The following ROBO2 variants were observed in gnomAD, a reference collection of about 807,000 sequenced individuals.
ROBO2 encodes the protein roundabout guidance receptor 2.
A neutral mutation model predicts 160.8 loss-of-function variants in ROBO2; 53 were observed. The ratio of observed to expected loss-of-function variants is 0.33; its 90% CI spans 0.26 to 0.41. The LOEUF is 0.41. Among genes scored for constraint, ROBO2 ranks in the 10% least tolerant of loss-of-function variants. ROBO2 has a pLI of 1.00. For synonymous variants in ROBO2, 664 were observed against 611.7 expected, an observed-to-expected ratio of 1.09 and a Z score of -1.26; for missense variants, 1,577 against 1,722.4, an observed-to-expected ratio of 0.92 and a Z score of 1.49.
intron 2 of ROBO2, among the ~76,000 whole-genome samples, chr3:77,106,139 A>T (rs1410488984): frequency 1.3e-5 from 2 of 151,972 alleles, no homozygotes; most frequent in East Asian, 3.9e-4. Flanking sequence ...GCCTCCCAGG[A>T]TCAAGCGATT....
At chr3:76,221,462 A>G (rs551753970) in intron 2 of ROBO2, among the ~76,000 whole-genome samples, 65 of 147,512 alleles carry the variant, frequency 4.4e-4, no homozygotes, top group African/African-American at 1.6e-3. Flanking sequence ...TGCCACTCTC[A>G]TTTTACAAGT....
At chr3:77,270,708 G>A (rs976205188) in intron 2 of ROBO2, among the ~76,000 whole-genome samples, 1 of 152,152 alleles carries the variant, frequency 6.6e-6, no homozygotes, top group Admixed American at 6.5e-5. Flanking sequence ...ACTTTGGGAG[G>A]CCAAGGTGGG....
intron 2 of ROBO2, among the ~76,000 whole-genome samples, chr3:77,290,218 A>T (rs1342066545): frequency 1.3e-5 from 2 of 149,300 alleles, no homozygotes; most frequent in East Asian, 4.0e-4. Flanking sequence ...CTGAGGCTAG[A>T]TCACCCCAGA....
chr3:76,527,447 G>A (rs1488725491), intron 2 of ROBO2, among the ~76,000 whole-genome samples: 1 of 152,018 alleles, frequency 6.6e-6, no homozygotes, highest in Non-Finnish European at 1.5e-5. Context: ...AGTAATATCT[G>A]AGCATATTTA....
chr3:76,343,572 C>T (rs1225951973), intron 2 of ROBO2, among the ~76,000 whole-genome samples: 1 of 151,104 alleles, frequency 6.6e-6, no homozygotes, highest in African/African-American at 2.4e-5. Flanking sequence ...GCCATTGAAA[C>T]TAATGGTAAA....
chr3:76,218,323 C>G (rs956064819), intron 2 of ROBO2, among the ~76,000 whole-genome samples: 2 of 152,084 alleles, frequency 1.3e-5, no homozygotes, highest in African/African-American at 4.8e-5. Context: ...GTCAGTCAGG[C>G]AGGAGAAGGA....
At chr3:76,376,342 T>C (rs2076343857) in intron 2 of ROBO2, among the ~76,000 whole-genome samples, 1 of 152,084 alleles carries the variant, frequency 6.6e-6, no homozygotes, top group South Asian at 2.1e-4. Flanking sequence ...ACAATGTCAT[T>C]TGTACCAGGG....
At chr3:76,314,975 A>G (rs1481374054) in intron 2 of ROBO2, among the ~76,000 whole-genome samples, 1 of 152,168 alleles carries the variant, frequency 6.6e-6, no homozygotes, top group Non-Finnish European at 1.5e-5. Context: ...CTACTATTAA[A>G]GGTACAAATG....
At position 76,202,519 on chromosome 3, in the gene ROBO2, C is replaced by G. The variant is rs563689687; in HGVS notation, c.109+264917C>G. Among the ~76,000 whole-genome samples, 18 of 152,264 alleles carry G rather than the reference C, an allele frequency of 1.2e-4. No individual in the cohort carries two copies. The East Asian group carries it at 3.5e-3, about 29-fold the overall frequency. ...ATGTTGCTTGGCATGAAAAAATAAC[C>G]TGATCAACATTTGTTGAATTTATTA... is the stretch of plus-strand genomic sequence containing the variant. On this transcript the variant is annotated intron_variant, in intron 2 of 26. Coordinates refer to the ROBO2 transcript ENST00000487694.
intron 2 of ROBO2, among the ~76,000 whole-genome samples, chr3:77,257,542 T>C (rs1251842294): frequency 3.3e-5 from 5 of 152,196 alleles, no homozygotes; most frequent in African/African-American, 9.6e-5. Flanking sequence ...GAAATAACTA[T>C]GTATGAACAG....
At chr3:77,292,233 C>A (rs556372684) in intron 2 of ROBO2, among the ~76,000 whole-genome samples, 70 of 128,154 alleles carry the variant, frequency 5.5e-4, no homozygotes, top group African/African-American at 1.8e-3. Flanking sequence ...TAGATCACCC[C>A]AGATGTAAAG....
intron 2 of ROBO2, among the ~76,000 whole-genome samples, chr3:77,145,726 T>C (rs541770042): frequency 7.2e-5 from 11 of 152,236 alleles, no homozygotes; most frequent in African/African-American, 2.6e-4. Context: ...AACACATCAG[T>C]TTATGTGTTT....
chr3:76,524,385 A>G (rs1211089415), intron 2 of ROBO2, among the ~76,000 whole-genome samples: 2 of 151,994 alleles, frequency 1.3e-5, no homozygotes, highest in East Asian at 3.9e-4. Context: ...TAACCTCCCA[A>G]GGCAGGTATT....
chr3:77,075,600 A>G (rs950111065), intron 1 of ROBO2, among the ~76,000 whole-genome samples: 18 of 151,544 alleles, frequency 1.2e-4, no homozygotes, highest in African/African-American at 4.1e-4. Context: ...ATGTTGATAT[A>G]TACAACAAAA....
intron 2 of ROBO2, among the ~76,000 whole-genome samples, chr3:76,006,995 A>G (rs935431261): frequency 2.6e-5 from 4 of 152,126 alleles, no homozygotes. Flanking sequence ...TGTATTATAT[A>G]AATGCTGGAA....
chr3:75,990,422 T>C (rs902885159), intron 2 of ROBO2, among the ~76,000 whole-genome samples: 2 of 152,168 alleles, frequency 1.3e-5, no homozygotes, highest in African/African-American at 4.8e-5. Flanking sequence ...ATGACTAGGC[T>C]TTTGTGAAAG....
chr3:77,262,763 G>C (rs12489410), intron 2 of ROBO2, among the ~76,000 whole-genome samples: 75,627 of 151,986 alleles, frequency 0.5, 20,032 homozygotes, highest in Middle Eastern at 0.7. Flanking sequence ...ATAAATTGAA[G>C]TTGGAATATC....
intron 2 of ROBO2, among the ~76,000 whole-genome samples, chr3:77,314,373 G>A (rs1488359820): frequency 6.6e-6 from 1 of 152,094 alleles, no homozygotes; most frequent in Admixed American, 6.6e-5. Context: ...ATTGCATCCA[G>A]CATTTGGCCT....
chr3:77,617,635 C>A (rs2153703003), exon 22 of ROBO2: 1 of 1,614,166 alleles, frequency 6.2e-7, no homozygotes, highest in Non-Finnish European at 8.5e-7. Context: ...GGCGTGGCTT[C>A]TTCTCCTGCT....
Sources: allele counts gnomAD v4.1 joint callset (sites outside exome capture counted in the v4.1 genomes callset), GRCh38; gene constraint gnomAD v4.1.1; transcripts MANE v1.5; gene names NCBI Gene and HGNC (gene_info 2026-07-23, HGNC 2026-07-21).